The following FHAD1 variants were observed in gnomAD, a reference collection of about 807,000 sequenced individuals.
FHAD1 encodes forkhead associated phosphopeptide binding domain 1.
Under a neutral mutation model 191.3 loss-of-function variants are expected in FHAD1, and 146 were observed. That is an observed-to-expected ratio of 0.76 (90% CI 0.67 to 0.88). The LOEUF is 0.88. Ranked by LOEUF, FHAD1 falls within the 40% of genes least tolerant of loss-of-function variation. The probability of loss-of-function intolerance (pLI) is 0.00; values close to 1 mark genes in which losing one functional copy is unlikely to be tolerated. For synonymous variants in FHAD1, 616 were observed against 672.3 expected (o/e 0.92, Z 1.29); for missense variants, 1,635 against 1,785.8 (o/e 0.92, Z 1.52).
chr1:15,301,147 G>A, intron 5 of FHAD1, 58 bp from the exon 6 acceptor site: 2 of 1,470,446 alleles, frequency 1.4e-6, no homozygotes, highest in Admixed American at 4.2e-5. Context: ...TTTTTTAATG[G>A]GCTCAGCCTC....
rs1672106498 is a variant in FHAD1 at position 15,311,020 on chromosome 1, C to T, written c.1040-2037C>T. On this transcript the variant is annotated intron_variant, in intron 7 of 33. Coordinates refer to ENST00000688493, the MANE Select transcript of FHAD1 (RefSeq NM_001391957.1). This position sits in a 1 kb window ranked among gnomAD's most constrained non-coding sequence, Gnocchi z 4.1. ...AAAAAATGTCTGAAATAATGGTTTCCATCTATTGGCCCCAAGAAGCATGTG... is the reference window on the plus strand; with the variant it reads ...AAAAAATGTCTGAAATAATGGTTTCTATCTATTGGCCCCAAGAAGCATGTG... Among the ~76,000 whole-genome samples the T allele has an allele frequency of 6.6e-6, 1 of 152,188 alleles. No individual in the cohort carries two copies. The highest frequency in any genetic ancestry group is 2.4e-5 in the African/African-American group (1 of 41,442).
rs1706523489 is a variant in FHAD1 at position 15,398,004 on chromosome 1, G to C, written c.*591G>C. ...AAATTAGCCAGGTGTGGTGGCACAT[G>C]CCTGTAGTCCCAGCTACACAGGAGG... On this transcript the variant is annotated 3_prime_UTR_variant, in exon 34 of 34. Coordinates refer to ENST00000688493, the MANE Select transcript of FHAD1 (RefSeq NM_001391957.1). 1 of 152,180 alleles carries C rather than the reference G, an allele frequency of 6.6e-6. No homozygotes were observed. Among genetic ancestry groups the C allele is most frequent in the African/African-American group, 2.4e-5 (1 of 41,416 alleles). The allele number at this position is 152,180 out of a possible 1,614,324, so 9.4% of individuals were successfully genotyped here. A position where few individuals can be genotyped will look rare whatever the true frequency, so the allele number is the denominator to read the frequency against.
In FHAD1 at chr1:15,334,086, A is replaced by G. The variant is rs1000063159; in HGVS notation, c.1906+4545A>G. ...GGCTCAATCAACCCACTCAACTCCCAAAGTGCTGGTATTACCAGCGTGAGC... is the reference window on the plus strand; with the variant it reads ...GGCTCAATCAACCCACTCAACTCCCGAAGTGCTGGTATTACCAGCGTGAGC... On this transcript the variant is annotated intron_variant, in intron 14 of 33. Transcript: ENST00000688493. The G allele has an allele frequency of 2.6e-5, 4 of 152,074 alleles. No individual in the cohort carries two copies. In the East Asian group the frequency reaches 7.7e-4, roughly 29 times the overall value. The allele number at this position is 152,074 out of a possible 1,614,324, so 9.4% of individuals were successfully genotyped here.
At chr1:15,317,290 G>A (rs1421093979) in intron 9 of FHAD1, among the ~76,000 whole-genome samples, 1 of 152,120 alleles carries the variant, frequency 6.6e-6, no homozygotes, top group East Asian at 1.9e-4. Context: ...TATTCCTGAC[G>A]CCCTCCGAAT....
intron 20 of FHAD1, among the ~76,000 whole-genome samples, chr1:15,357,585 T>G (rs1482639010): frequency 2.1e-5 from 3 of 145,812 alleles, no homozygotes; most frequent in African/African-American, 7.7e-5. Context: ...ATAGCACCGT[T>G]GCGCTCCAGC....
At chr1:15,274,452 C>CA (rs568010093) in intron 3 of FHAD1, among the ~76,000 whole-genome samples, 1,869 of 148,010 alleles carry the variant, frequency 0.013, 36 homozygotes, top group African/African-American at 0.043. Flanking sequence ...TACTGAAATA[C>CA]AAAAAAAAAA....
intron 4 of FHAD1, among the ~76,000 whole-genome samples, chr1:15,294,627 A>G (rs1666317225): frequency 6.6e-6 from 1 of 152,136 alleles, no homozygotes; most frequent in Admixed American, 6.5e-5. Context: ...TCCTGTCCTT[A>G]AGTGATCTGC....
intron 20 of FHAD1, among the ~76,000 whole-genome samples, chr1:15,353,704 C>CAAAA (rs60518389): frequency 0.021 from 1,242 of 60,516 alleles, no homozygotes; most frequent in Non-Finnish European, 0.028. Context: ...GACTCCATCT[C>CAAAA]AAAAAAAAAA....
chr1:15,346,535 G>A (rs998704263), intron 18 of FHAD1, among the ~76,000 whole-genome samples: 12 of 152,162 alleles, frequency 7.9e-5, no homozygotes, highest in Admixed American at 2.0e-4. Context: ...CTAAAGGGAG[G>A]TGGCCAGAAC....
At chr1:15,358,051 G>T in intron 20 of FHAD1, 59 bp from the exon 21 acceptor site, 1 of 1,244,206 alleles carries the variant, frequency 8.0e-7, no homozygotes, top group South Asian at 1.6e-5. Flanking sequence ...GGGATAAGGG[G>T]GCTGGGTAAA....
chr1:15,374,330 C>A (rs908613460), intron 26 of FHAD1, among the ~76,000 whole-genome samples, 172 bp from the exon 27 acceptor site: 3 of 152,110 alleles, frequency 2.0e-5, no homozygotes, highest in African/African-American at 7.2e-5. Context: ...ACATGTGACC[C>A]GATATTTGAG....
chr1:15,375,749 C>A lies in FHAD1; in HGVS notation c.3705+19C>A. 2.6e-6 allele frequency: 4 copies of A among 1,523,690 alleles called. No homozygotes were observed. The highest frequency in any genetic ancestry group is 3.5e-6 in the Non-Finnish European group (4 of 1,137,222). 94.4% of individuals were successfully genotyped at this position (1,523,690 alleles called of 1,614,324 possible). On this transcript the variant is annotated intron_variant, in intron 28 of 33. Coordinates refer to ENST00000688493, the MANE Select transcript of FHAD1 (RefSeq NM_001391957.1). ...CCTAGCGGTAACCAAAGAAAATTCTCTCTGCTGTGACTGGCATGTGGAGAG... is the reference window on the plus strand; with the variant it reads ...CCTAGCGGTAACCAAAGAAAATTCTATCTGCTGTGACTGGCATGTGGAGAG...
In FHAD1 at chr1:15,341,738, C is replaced by T; in HGVS notation, c.1980C>T (p.Ile660=). The change falls in exon 16 of 34, where the codon ATC becomes ATT. Residue 660 remains isoleucine (I), a splice_region_variant and synonymous_variant. Coordinates refer to ENST00000688493, the MANE Select transcript of FHAD1 (RefSeq NM_001391957.1). ...GGTTTACTTTTCTCACATTTCAGAT[C>T]AAGTTCAACAGTTCTCAGGAAACTC... ...KLMSQAQELQ[I]KFNSSQETQQ... is the part of the protein sequence containing the mutation. The T allele has an allele frequency of 6.5e-7, 1 of 1,548,672 alleles. No homozygotes were observed. The highest frequency in any genetic ancestry group is 1.2e-5 in the South Asian group (1 of 83,404).
chr1:15,280,741 G>A (rs1230374595), intron 3 of FHAD1, among the ~76,000 whole-genome samples: 1 of 152,198 alleles, frequency 6.6e-6, no homozygotes, highest in Non-Finnish European at 1.5e-5. Flanking sequence ...CGAGTCTAGG[G>A]TAGAAAACGC....
At chr1:15,370,762 G>A (rs2102829723) in intron 26 of FHAD1, among the ~76,000 whole-genome samples, 1 of 152,334 alleles carries the variant, frequency 6.6e-6, no homozygotes, top group African/African-American at 2.4e-5. Flanking sequence ...GTGAGACTCA[G>A]TGGTTCCTCA....
intron 16 of FHAD1, among the ~76,000 whole-genome samples, chr1:15,344,578 A>C (rs1688103286): frequency 6.6e-6 from 1 of 152,250 alleles, no homozygotes; most frequent in Non-Finnish European, 1.5e-5. Context: ...TTACAAAAAC[A>C]GACCAGATTT....
chr1:15,377,219 G>A (rs1313599389), intron 28 of FHAD1, among the ~76,000 whole-genome samples: 1 of 152,198 alleles, frequency 6.6e-6, no homozygotes, highest in Non-Finnish European at 1.5e-5. Flanking sequence ...TCTCTTGGCA[G>A]TTTTTCTGGA....
rs1020944197 is a variant in FHAD1, at chr1:15,362,867, T to C, written c.3047+141T>C. ...GGGCCTGCTGCCTTCCCAGTGCTGC[T>C]TCCATTTCCCCATTCCTTCAGCCCA... On this transcript the variant is annotated intron_variant, in intron 23 of 33. Transcript: ENST00000688493. The C allele has an allele frequency of 6.6e-5, 44 of 669,616 alleles. No individual in the cohort carries two copies. In the South Asian group the frequency reaches 7.5e-4, roughly 11 times the overall value. 41.5% of individuals were successfully genotyped at this position (669,616 alleles called of 1,614,324 possible).
In FHAD1 at chr1:15,360,639, G is replaced by A. The variant is rs893124103; in HGVS notation, c.2898G>A (p.Gln966=). Residue 966 remains glutamine (Q), a synonymous_variant, in exon 22 of 34, where the codon CAG becomes CAA. Coordinates refer to ENST00000688493, the MANE Select transcript of FHAD1 (RefSeq NM_001391957.1). ...TTGTGAGCCTCGAAGAGAAACTCCA[G>A]AAAGTCACTCAGCACCATAAAAAAA... ...QTIVSLEEKL[Q]KVTQHHKKIE... The A allele has an allele frequency of 4.5e-6, 7 of 1,551,854 alleles. No homozygotes were observed. Among genetic ancestry groups the A allele is most frequent in the Non-Finnish European group, 5.2e-6 (6 of 1,147,076 alleles).
Sources: allele counts gnomAD v4.1 joint callset (sites outside exome capture counted in the v4.1 genomes callset), GRCh38; gene constraint gnomAD v4.1.1; non-coding constraint Gnocchi (gnomAD v3.1); transcripts MANE v1.5; gene names NCBI Gene and HGNC (gene_info 2026-07-23, HGNC 2026-07-21).